The following CACNA1B variants were observed in gnomAD, a reference collection of about 807,000 sequenced individuals.
CACNA1B encodes calcium voltage-gated channel subunit alpha1 B.
A neutral mutation model predicts 247.2 loss-of-function variants in CACNA1B; 70 were observed. The observed-to-expected ratio is 0.28, with a 90% CI of 0.23 to 0.35. The LOEUF is 0.35. Ranked by LOEUF, CACNA1B falls within the 10% of genes least tolerant of loss-of-function variation. CACNA1B has a pLI of 1.00. For missense variants in CACNA1B, 2,367 were observed against 3,197.4 expected, an observed-to-expected ratio of 0.74 and a Z score of 6.26; for synonymous variants, 1,231 against 1,294.4, an observed-to-expected ratio of 0.95 and a Z score of 1.05.
rs1411158071 is a variant in CACNA1B at position 137,881,357 on chromosome 9, A to G, written c.391-1387A>G. Among the ~76,000 whole-genome samples, 1 of 152,162 alleles carries G rather than the reference A, an allele frequency of 6.6e-6. No individual in the cohort carries two copies. Among genetic ancestry groups the G allele is most frequent in the Non-Finnish European group, 1.5e-5 (1 of 68,014 alleles). On this transcript the variant is annotated intron_variant, in intron 2 of 46. Coordinates refer to ENST00000371372, the MANE Select transcript of CACNA1B (RefSeq NM_000718.4). The surrounding 1 kb of genome is among the most constrained non-coding windows in gnomAD (Gnocchi z 4.3). ...CTCCACCACAGGACAGGAGGAGCCC[A>G]GGCTGAGTAAGGTGGGAGTCAGATG...
intron 35 of CACNA1B, among the ~76,000 whole-genome samples, chr9:138,077,527 G>T (rs779091625): frequency 1.3e-5 from 2 of 152,222 alleles, no homozygotes; most frequent in Non-Finnish European, 2.9e-5. Context: ...AGGGTTTTGA[G>T]AGGAGGAAGA....
intron 6 of CACNA1B, among the ~76,000 whole-genome samples, chr9:137,948,092 TGCCTCAG>T (rs954957892): frequency 1.3e-4 from 20 of 148,336 alleles, no homozygotes; most frequent in Non-Finnish European, 2.8e-4. Context: ...GCGATTTTCC[TGCCTCAG>T]GCTGTGGAGT....
In CACNA1B at chr9:138,025,163, G is replaced by A. The variant is rs542361848; in HGVS notation, c.3277G>A (p.Val1093Ile). ...GACGGGCCCTCTTGGGGAAGCCACG[G>A]TCGTTCCCAGTGAGTATCTCCCTGT... ...MLTGPLGEAT[V>I]VPSGNVDLES... The change falls in exon 20 of 47, where the codon GTC becomes ATC. Residue 1093 changes from valine to isoleucine, a missense_variant. Transcript: ENST00000371372. The A allele has an allele frequency of 6.2e-7, 1 of 1,606,522 alleles. No homozygotes were observed. The highest frequency in any genetic ancestry group is 2.2e-5 in the East Asian group (1 of 44,580).
intron 2 of CACNA1B, among the ~76,000 whole-genome samples, chr9:137,879,811 C>G (rs1956891729): frequency 6.6e-6 from 1 of 152,186 alleles, no homozygotes; most frequent in Non-Finnish European, 1.5e-5. Flanking sequence ...AAGGCCAGCC[C>G]TGTGGGGTCT....
In CACNA1B at chr9:138,100,816, G is replaced by A. The variant is rs1564286423; in HGVS notation, c.5223-1895G>A. Among the ~76,000 whole-genome samples, 2 of 152,152 alleles carry A rather than the reference G, an allele frequency of 1.3e-5. No homozygotes were observed. The highest frequency in any genetic ancestry group is 6.5e-5 in the Admixed American group (1 of 15,276). On this transcript the variant is annotated intron_variant, in intron 37 of 46. Transcript: ENST00000371372. The surrounding 1 kb of genome is among the most constrained non-coding windows in gnomAD (Gnocchi z 4.6). ...TGACCTGGGAGGCCCAGGGAGCATC[G>A]TCACTCAGGGAGTGAGAGGAAGAGC...
At chr9:138,066,541 T>C (rs1344952980) in intron 31 of CACNA1B, among the ~76,000 whole-genome samples, 1 of 151,988 alleles carries the variant, frequency 6.6e-6, no homozygotes, top group Non-Finnish European at 1.5e-5. Context: ...TGAAAGTGCA[T>C]TGGGAGCCAG....
At chr9:137,935,863 C>T (rs551637911) in intron 6 of CACNA1B, among the ~76,000 whole-genome samples, 19 of 151,840 alleles carry the variant, frequency 1.3e-4, no homozygotes, top group Non-Finnish European at 1.9e-4. Context: ...CCGCCCAGGC[C>T]GGAGTGCAGT....
intron 6 of CACNA1B, among the ~76,000 whole-genome samples, chr9:137,925,191 C>T (rs894559120): frequency 1.3e-5 from 2 of 152,190 alleles, no homozygotes; most frequent in East Asian, 1.9e-4. Flanking sequence ...ACCTACAGAT[C>T]GGCAGGGAGG....
At chr9:138,035,791 A>G (rs1316959269) in intron 20 of CACNA1B, among the ~76,000 whole-genome samples, 1 of 152,032 alleles carries the variant, frequency 6.6e-6, no homozygotes, top group Non-Finnish European at 1.5e-5. Flanking sequence ...TCTCCAATTT[A>G]TTAGTTGGAT....
At chr9:138,114,253 G>A (rs1961774932) in intron 40 of CACNA1B, 125 bp from the exon 41 acceptor site, 4 of 630,026 alleles carry the variant, frequency 6.3e-6, no homozygotes, top group Non-Finnish European at 1.2e-5. Context: ...CTGTCCCAGT[G>A]CATTTCCAGG....
intron 15 of CACNA1B, among the ~76,000 whole-genome samples, chr9:138,003,111 T>A (rs964762489): frequency 3.3e-5 from 5 of 151,240 alleles, no homozygotes; most frequent in African/African-American, 1.2e-4. Flanking sequence ...TTCTTTTTTT[T>A]AATGGAGATG....
intron 18 of CACNA1B, among the ~76,000 whole-genome samples, 158 bp from the exon 19 acceptor site, chr9:138,022,853 C>T (rs1958865167): frequency 6.6e-6 from 1 of 152,156 alleles, no homozygotes; most frequent in Admixed American, 6.5e-5. Flanking sequence ...GGGCGTTCCC[C>T]ACCTGATCCG....
rs912504927 is a variant in CACNA1B, at chr9:138,023,571, C to T, written c.2828C>T (p.Pro943Leu). Residue 943 changes from proline to leucine, a missense_variant, in exon 19 of 47, where the codon CCG (proline) becomes CTG (leucine). This residue lies in a region of CACNA1B where 631 missense variants were observed against 631.1 expected (regional missense o/e 1.00). Transcript: ENST00000371372. ...CACCGCGCGCACCGGCACCAGGATC[C>T]GAGCAAGGAGTGCGCCGGCGCCAAG... Reference protein sequence around the residue: ...RRHRAHRHQDPSKECAGAKGE... With the variant: ...RRHRAHRHQDLSKECAGAKGE... 8 of 1,091,838 alleles carry T rather than the reference C, an allele frequency of 7.3e-6. No individual in the cohort carries two copies. Among genetic ancestry groups the T allele is most frequent in the Non-Finnish European group, 9.0e-6 (8 of 892,964 alleles). 67.6% of individuals were successfully genotyped at this position (1,091,838 alleles called of 1,614,324 possible).
At chr9:137,985,261 G>A (rs1186107134) in intron 13 of CACNA1B, among the ~76,000 whole-genome samples, 2 of 152,238 alleles carry the variant, frequency 1.3e-5, no homozygotes, top group East Asian at 3.8e-4. Flanking sequence ...AAAGGCAGAA[G>A]AGTTTTGGGC....
At chr9:137,969,863 C>G (rs188251224) in intron 10 of CACNA1B, among the ~76,000 whole-genome samples, 17 of 152,308 alleles carry the variant, frequency 1.1e-4, no homozygotes, top group African/African-American at 4.1e-4. Flanking sequence ...GCATTGCACA[C>G]CTGCCTCCCT....
chr9:138,110,408 C>T (rs1961581976), intron 39 of CACNA1B, among the ~76,000 whole-genome samples: 1 of 152,060 alleles, frequency 6.6e-6, no homozygotes, highest in Non-Finnish European at 1.5e-5. Context: ...AGCCACTGTG[C>T]CCCACCACAA....
intron 20 of CACNA1B, chr9:138,032,739 C>T: frequency 2.2e-6 from 1 of 451,420 alleles, no homozygotes; most frequent in Non-Finnish European, 4.4e-6. Context: ...GATGAGAAAT[C>T]CACTGTCATT....
At chr9:137,949,209 ATGTGTGGTGTGAGTG>A (rs1957844395) in intron 6 of CACNA1B, among the ~76,000 whole-genome samples, 2 of 17,130 alleles carry the variant, frequency 1.2e-4, no homozygotes, top group Non-Finnish European at 2.4e-4. Flanking sequence ...TGTGTCTGGT[ATGTGTGGTGTGAGTG>A]TGTGTGTGGT....
chr9:137,963,547 C>T (rs1958042903), intron 10 of CACNA1B, among the ~76,000 whole-genome samples: 1 of 152,172 alleles, frequency 6.6e-6, no homozygotes, highest in Admixed American at 6.5e-5. Flanking sequence ...CAGGCATGTG[C>T]CACCACACCT....
Sources: gnomAD v4.1 joint callset for allele counts (sites outside exome capture counted in the v4.1 genomes callset) on GRCh38, gnomAD v4.1.1 for gene constraint, gnomAD v4.1.1 regional missense constraint, Gnocchi (gnomAD v3.1) non-coding constraint, MANE v1.5 for transcripts, NCBI Gene and HGNC (gene_info 2026-07-23, HGNC 2026-07-21) for gene names.